Variants in AUH observed in about 807,000 individuals in gnomAD.
The protein encoded by AUH is methylglutaconyl-CoA hydratase, mitochondrial.
A neutral mutation model predicts 42.3 loss-of-function variants in AUH; 29 were observed. That is an observed-to-expected ratio of 0.69 (90% CI 0.51 to 0.93). The LOEUF (loss-of-function observed/expected upper bound fraction) is 0.93, where lower values mean the gene tolerates loss of function less well. Ranked by LOEUF, AUH falls within the 40% of genes least tolerant of loss-of-function variation. The pLI is 0.00. For synonymous variants in AUH, 174 were observed against 166.4 expected, an observed-to-expected ratio of 1.05 and a Z score of -0.35; for missense variants, 452 against 438.1, an observed-to-expected ratio of 1.03 and a Z score of -0.28.
At chr9:91,315,197 G>A (rs1286251517) in intron 4 of AUH, among the ~76,000 whole-genome samples, 4 of 152,060 alleles carry the variant, frequency 2.6e-5, no homozygotes, top group Non-Finnish European at 4.4e-5. Context: ...CCTTGGCCTC[G>A]AAAAGTGGTG....
chr9:91,234,549 G>A (rs1385970194), intron 6 of AUH, among the ~76,000 whole-genome samples: 1 of 151,984 alleles, frequency 6.6e-6, no homozygotes, highest in Non-Finnish European at 1.5e-5. Context: ...TACAATAATA[G>A]AGCTATTAGT....
chr9:91,219,748 G>C (rs945048697), intron 7 of AUH, among the ~76,000 whole-genome samples: 15 of 152,242 alleles, frequency 9.9e-5, no homozygotes, highest in African/African-American at 3.6e-4. Context: ...CATACCAGCA[G>C]AGTGGGGACT....
At chr9:91,312,915 TG>T in intron 4 of AUH, among the ~76,000 whole-genome samples, 1 of 152,138 alleles carries the variant, frequency 6.6e-6, no homozygotes, top group Non-Finnish European at 1.5e-5. Context: ...CTTTTATTTG[TG>T]ATTCATGAGG....
At chr9:91,332,610 G>T (rs867891704) in intron 3 of AUH, among the ~76,000 whole-genome samples, 2 of 152,168 alleles carry the variant, frequency 1.3e-5, no homozygotes, top group Non-Finnish European at 2.9e-5. Context: ...AAATGGTTGC[G>T]GCTTGTGCCA....
intron 6 of AUH, among the ~76,000 whole-genome samples, chr9:91,265,277 A>AT (rs57781691): frequency 0.18 from 23,648 of 133,850 alleles, 2,283 homozygotes; most frequent in African/African-American, 0.27. Flanking sequence ...TTGCTCTTGC[A>AT]TTTTTTTTTT....
intron 6 of AUH, among the ~76,000 whole-genome samples, chr9:91,241,802 C>G (rs1225070856): frequency 6.6e-6 from 1 of 152,176 alleles, no homozygotes; most frequent in Non-Finnish European, 1.5e-5. Context: ...ATCAAACTCT[C>G]TTAAATGGTG....
In AUH at chr9:91,297,976, A is replaced by C. The variant is rs1157995783; in HGVS notation, c.598+8T>G. 5 of 1,586,290 alleles carry C rather than the reference A, an allele frequency of 3.2e-6. No individual in the cohort carries two copies. Among genetic ancestry groups the C allele is most frequent in the Non-Finnish European group, 4.3e-6 (5 of 1,154,836 alleles). ...TTAAATTATGTTTTTAACAGGATTA[A>C]TTCTTACCTGCTACTCGTATATCAC... On this transcript the variant is annotated splice_region_variant and intron_variant, in intron 5 of 9. Transcript: ENST00000375731.
At chr9:91,241,043 G>A (rs1381682992) in intron 6 of AUH, among the ~76,000 whole-genome samples, 1 of 152,154 alleles carries the variant, frequency 6.6e-6, no homozygotes, top group African/African-American at 2.4e-5. Context: ...GACCTAAGAA[G>A]GAAGACATTC....
At chr9:91,277,955 A>G (rs779119384) in intron 6 of AUH, among the ~76,000 whole-genome samples, 17 of 152,224 alleles carry the variant, frequency 1.1e-4, no homozygotes, top group Non-Finnish European at 2.5e-4. Flanking sequence ...GGTATGCAAG[A>G]TTCCCCACCA....
Position 91,220,869 on chromosome 9 carries a change from T to C in AUH, c.779A>G (p.Gln260Arg). The C allele has an allele frequency of 1.9e-6, 3 of 1,614,290 alleles. No homozygotes were observed. The highest frequency in any genetic ancestry group is 2.5e-6 in the Non-Finnish European group (3 of 1,180,054). The change falls in exon 7 of 10, where the codon CAG becomes CGG. Residue 260 changes from glutamine to arginine, a missense_variant. Coordinates refer to ENST00000375731, the MANE Select transcript of AUH (RefSeq NM_001698.3). Reference sequence around the variant, plus strand: ...GTAGGCCGCGTCTCCCTCCTGGTTCTGTTCCAGAACGTGGCTGATTAAGCC... The same window carrying C: ...GTAGGCCGCGTCTCCCTCCTGGTTCCGTTCCAGAACGTGGCTGATTAAGCC... ...AVGLISHVLE[Q>R]NQEGDAAYRK... is the part of the protein sequence containing the mutation.
At chr9:91,218,946 T>C in intron 7 of AUH, 1 of 985,336 alleles carries the variant, frequency 1.0e-6, no homozygotes. Flanking sequence ...AACATCTTCT[T>C]ATTTGTTTGA....
intron 3 of AUH, among the ~76,000 whole-genome samples, chr9:91,332,960 A>T (rs1484510234): frequency 6.6e-6 from 1 of 152,194 alleles, no homozygotes; most frequent in African/African-American, 2.4e-5. Flanking sequence ...CTCTCTTATC[A>T]GGAAAGAACG....
chr9:91,217,354 T>C (rs1419879013), intron 7 of AUH, 27 bp from the exon 8 acceptor site: 1 of 1,601,878 alleles, frequency 6.2e-7, no homozygotes. Flanking sequence ...AGAAACAGAC[T>C]TCAATTATTT....
intron 3 of AUH, among the ~76,000 whole-genome samples, chr9:91,341,604 T>C (rs376091047): frequency 2.0e-5 from 3 of 152,216 alleles, no homozygotes; most frequent in East Asian, 1.9e-4. Context: ...TATTTAACCA[T>C]GACATTTTGC....
intron 4 of AUH, among the ~76,000 whole-genome samples, chr9:91,322,289 A>G (rs1215718758): frequency 6.6e-6 from 1 of 152,216 alleles, no homozygotes; most frequent in Non-Finnish European, 1.5e-5. Context: ...AATTTGAACA[A>G]TGAAACCAAT....
chr9:91,326,813 G>A (rs1208121609), intron 3 of AUH, among the ~76,000 whole-genome samples: 2 of 152,090 alleles, frequency 1.3e-5, no homozygotes, highest in African/African-American at 4.8e-5. Context: ...ACATGTCTTT[G>A]TAATTAATTT....
chr9:91,231,138 C>T (rs1289321841), intron 6 of AUH, among the ~76,000 whole-genome samples: 1 of 152,202 alleles, frequency 6.6e-6, no homozygotes, highest in Non-Finnish European at 1.5e-5. Context: ...GGTGGGTGCC[C>T]CTCCCCCAGC....
intron 4 of AUH, among the ~76,000 whole-genome samples, chr9:91,323,415 G>C (rs895650937): frequency 5.3e-5 from 8 of 152,150 alleles, no homozygotes; most frequent in African/African-American, 1.9e-4. Flanking sequence ...ACGAGGTCAA[G>C]AGATCAAGAC....
intron 6 of AUH, among the ~76,000 whole-genome samples, chr9:91,253,339 T>C (rs1288650278): frequency 6.6e-6 from 1 of 152,210 alleles, no homozygotes; most frequent in Non-Finnish European, 1.5e-5. Context: ...TTCATATTTA[T>C]CAGAAAATCA....
Sources: gnomAD v4.1 joint callset for allele counts (sites outside exome capture counted in the v4.1 genomes callset) on GRCh38, gnomAD v4.1.1 for gene constraint, MANE v1.5 for transcripts, NCBI Gene and HGNC (gene_info 2026-07-23, HGNC 2026-07-21) for gene names.